SOBP: variants seen among roughly 807,000 people sequenced by gnomAD.
SOBP encodes the protein sine oculis-binding protein homolog.
Under a neutral mutation model 53.6 loss-of-function variants are expected in SOBP, and 4 were observed. The ratio of observed to expected loss-of-function variants is 0.07; its 90% CI spans 0.04 to 0.17. The LOEUF (loss-of-function observed/expected upper bound fraction) is 0.17, where lower values mean the gene tolerates loss of function less well. Among genes scored for constraint, SOBP ranks in the 10% least tolerant of loss-of-function variants. The pLI is 1.00. For synonymous variants in SOBP, 584 were observed against 522.6 expected (o/e 1.12, Z -1.60); for missense variants, 1,088 against 1,204.7 (o/e 0.90, Z 1.43).
At chr6:107,589,752 A>T (rs1397667400) in intron 5 of SOBP, among the ~76,000 whole-genome samples, 2 of 152,236 alleles carry the variant, frequency 1.3e-5, no homozygotes, top group Non-Finnish European at 2.9e-5. Flanking sequence ...AAGATAAGTG[A>T]CATTAGCTAA....
intron 4 of SOBP, among the ~76,000 whole-genome samples, chr6:107,584,309 A>AT (rs1785500161): frequency 6.6e-6 from 1 of 151,868 alleles, no homozygotes; most frequent in Admixed American, 6.6e-5. Context: ...GGGGTAGCGA[A>AT]TTCCTGTGTT....
At chr6:107,607,147 G>T (rs145840742) in intron 5 of SOBP, among the ~76,000 whole-genome samples, 221 of 152,248 alleles carry the variant, frequency 1.5e-3, no homozygotes, top group Non-Finnish European at 2.5e-3. Flanking sequence ...TAAATGTTCC[G>T]CCTGTTGTCA....
intron 4 of SOBP, among the ~76,000 whole-genome samples, chr6:107,575,754 G>GT (rs1279046431): frequency 6.6e-6 from 1 of 152,132 alleles, no homozygotes; most frequent in Non-Finnish European, 1.5e-5. Context: ...AGAAGACAGG[G>GT]TGACAGAGGA....
chr6:107,651,428 T>A (rs1771798027), intron 6 of SOBP, among the ~76,000 whole-genome samples: 2 of 152,076 alleles, frequency 1.3e-5, no homozygotes, highest in African/African-American at 4.8e-5. Flanking sequence ...AGGCCCTAAC[T>A]CTCTTCATCA....
At chr6:107,626,937 C>T (rs1299653235) in intron 5 of SOBP, among the ~76,000 whole-genome samples, 2 of 152,112 alleles carry the variant, frequency 1.3e-5, no homozygotes, top group African/African-American at 2.4e-5. Context: ...AGATGATCAC[C>T]GAGGTTCCTT....
intron 5 of SOBP, among the ~76,000 whole-genome samples, chr6:107,600,140 TA>T (rs1786124233): frequency 6.6e-6 from 1 of 152,238 alleles, no homozygotes; most frequent in Non-Finnish European, 1.5e-5. Flanking sequence ...CTAATATACC[TA>T]TTTTGTCTAA....
At position 107,634,632 on chromosome 6, in the gene SOBP, C is replaced by T; in HGVS notation, c.1788C>T (p.Asp596=). ...AGCAGGGCTCGTCCAAGTCCGCGGA[C>T]TCGCCCCCCGGCTGCTCGGGCCAGG... ...DSKQGSSKSA[D]SPPGCSGQAL... Residue 596 remains aspartate, a synonymous_variant, in exon 6 of 7, where the codon GAC becomes GAT. Coordinates refer to ENST00000317357, the MANE Select transcript of SOBP (RefSeq NM_018013.4). This position sits in a 1 kb window ranked among gnomAD's most constrained non-coding sequence, Gnocchi z 4.5. 1 of 1,583,146 alleles carries T rather than the reference C, an allele frequency of 6.3e-7. No homozygotes were observed. Among genetic ancestry groups the T allele is most frequent in the Non-Finnish European group, 8.5e-7 (1 of 1,171,084 alleles).
intron 1 of SOBP, among the ~76,000 whole-genome samples, chr6:107,498,045 A>C (rs976211930): frequency 6.6e-6 from 1 of 152,190 alleles, no homozygotes. Context: ...GGTTTTCCTG[A>C]ATTTTATTTG....
chr6:107,559,869 A>T (rs1359350485), intron 4 of SOBP, among the ~76,000 whole-genome samples: 1 of 152,186 alleles, frequency 6.6e-6, no homozygotes, highest in African/African-American at 2.4e-5. Flanking sequence ...TAGGAATCTC[A>T]GTTGTCAGTC....
intron 1 of SOBP, among the ~76,000 whole-genome samples, chr6:107,502,685 C>T (rs1222549171): frequency 6.6e-6 from 1 of 152,128 alleles, no homozygotes; most frequent in East Asian, 1.9e-4. Flanking sequence ...AGAAGACAAT[C>T]TTAGTGACCT....
At chr6:107,565,678 A>C (rs1660710389) in intron 4 of SOBP, among the ~76,000 whole-genome samples, 1 of 152,198 alleles carries the variant, frequency 6.6e-6, no homozygotes, top group African/African-American at 2.4e-5. Flanking sequence ...ACTCTATTAA[A>C]TTGTAGAATA....
intron 4 of SOBP, among the ~76,000 whole-genome samples, chr6:107,573,637 C>A (rs1408675583): frequency 6.6e-6 from 1 of 152,232 alleles, no homozygotes; most frequent in South Asian, 2.1e-4. Flanking sequence ...GTACTAATGT[C>A]CTCAACTAAG....
chr6:107,650,134 G>A (rs545282582), intron 6 of SOBP, among the ~76,000 whole-genome samples: 3 of 152,124 alleles, frequency 2.0e-5, no homozygotes, highest in African/African-American at 4.8e-5. Flanking sequence ...AGAAAACAAG[G>A]CCTTATAATT....
intron 4 of SOBP, among the ~76,000 whole-genome samples, chr6:107,551,753 G>T (rs1310748124): frequency 6.6e-6 from 1 of 152,128 alleles, no homozygotes; most frequent in African/African-American, 2.4e-5. Context: ...GGGCGCAGTG[G>T]CTCATGCCTG....
intron 5 of SOBP, among the ~76,000 whole-genome samples, chr6:107,590,842 T>C (rs952686350): frequency 6.6e-6 from 1 of 152,222 alleles, no homozygotes; most frequent in Non-Finnish European, 1.5e-5. Context: ...GAGTTGCATG[T>C]AGTCCTTAGG....
At chr6:107,656,554 A>C (rs188038387) in intron 6 of SOBP, among the ~76,000 whole-genome samples, 7 of 152,238 alleles carry the variant, frequency 4.6e-5, no homozygotes, top group Admixed American at 6.5e-5. Flanking sequence ...ATTTAATGTG[A>C]TTGGGGGAAC....
intron 5 of SOBP, among the ~76,000 whole-genome samples, chr6:107,588,445 T>G (rs1375929755): frequency 1.3e-5 from 2 of 152,220 alleles, no homozygotes; most frequent in Non-Finnish European, 2.9e-5. Flanking sequence ...TAACTTAACT[T>G]ATGTTTTATC....
At chr6:107,543,334 A>C (rs1005330392) in intron 4 of SOBP, among the ~76,000 whole-genome samples, 1 of 152,190 alleles carries the variant, frequency 6.6e-6, no homozygotes, top group Non-Finnish European at 1.5e-5. Context: ...TCAGGGCTAC[A>C]CACTTTCTTG....
chr6:107,587,690 CAG>C (rs1360113292), intron 5 of SOBP, among the ~76,000 whole-genome samples: 1 of 152,122 alleles, frequency 6.6e-6, no homozygotes, highest in Non-Finnish European at 1.5e-5. Context: ...AAAGCAGTGA[CAG>C]GGTGCGGGGA....
Sources: allele counts gnomAD v4.1 joint callset (sites outside exome capture counted in the v4.1 genomes callset), GRCh38; gene constraint gnomAD v4.1.1; non-coding constraint Gnocchi (gnomAD v3.1); transcripts MANE v1.5; gene names NCBI Gene and HGNC (gene_info 2026-07-23, HGNC 2026-07-21).